GNPTAB: variants seen among roughly 807,000 people sequenced by gnomAD.
GNPTAB encodes the protein N-acetylglucosamine-1-phosphotransferase subunits alpha/beta.
GNPTAB carries 92 observed loss-of-function variants against 136.6 expected under a neutral mutation model. The observed-to-expected ratio is 0.67, with a 90% CI of 0.57 to 0.80. The LOEUF is 0.80. Ranked by LOEUF, GNPTAB falls within the 30% of genes least tolerant of loss-of-function variation. GNPTAB has a pLI of 0.00. For missense variants in GNPTAB, 1,343 were observed against 1,501.8 expected, an observed-to-expected ratio of 0.89 and a Z score of 1.75; for synonymous variants, 512 against 535.1, an observed-to-expected ratio of 0.96 and a Z score of 0.60.
Position 101,770,977 on chromosome 12 carries a change from G to A in GNPTAB, c.933+19C>T, listed in dbSNP as rs553329292. 3 of 1,611,598 alleles carry A rather than the reference G, an allele frequency of 1.9e-6. No homozygotes were observed. The highest frequency in any genetic ancestry group is 2.2e-5 in the South Asian group (2 of 91,010). On this transcript the variant is annotated intron_variant, in intron 8 of 20. Transcript: ENST00000299314. ...TTAACCTTTGATTTGGGCTGTAAAA[G>A]CTTCTGTGCATCCCTTACCTGGCTG...
At chr12:101,766,865 G>A (rs1953102857) in intron 11 of GNPTAB, among the ~76,000 whole-genome samples, 1 of 152,202 alleles carries the variant, frequency 6.6e-6, no homozygotes. Context: ...ATTTGCTCAA[G>A]GGGCACGTGC....
chr12:101,762,519 CA>C (rs1726621084), intron 13 of GNPTAB, among the ~76,000 whole-genome samples: 2 of 152,066 alleles, frequency 1.3e-5, no homozygotes, highest in Admixed American at 6.5e-5. Context: ...GATATATGTA[CA>C]AGAGAATTCA....
Position 101,789,214 on chromosome 12 carries a change from T to A in GNPTAB, c.324-625A>T, listed in dbSNP as rs79086451. Among the ~76,000 whole-genome samples the A allele has an allele frequency of 3.7e-3, 561 of 151,752 alleles. 3 individuals carry two copies. The highest frequency in any genetic ancestry group is 0.013 in the African/African-American group (529 of 41,378). ...GCAGCCAGCGGGTTGGGGGAGGGGGTCCTCTGTCTTTAGGTCCCTTGAAGA... is the reference window on the plus strand; with the variant it reads ...GCAGCCAGCGGGTTGGGGGAGGGGGACCTCTGTCTTTAGGTCCCTTGAAGA... On this transcript the variant is annotated intron_variant, in intron 3 of 20. Transcript: ENST00000299314.
At chr12:101,793,226 G>A (rs1869089353) in intron 2 of GNPTAB, among the ~76,000 whole-genome samples, 5 of 151,910 alleles carry the variant, frequency 3.3e-5, no homozygotes, top group Admixed American at 3.3e-4. Flanking sequence ...AAATCCATCT[G>A]CCTCACACTG....
intron 7 of GNPTAB, 58 bp downstream of exon 7, chr12:101,780,094 G>T (rs1321895742): frequency 2.0e-6 from 3 of 1,524,996 alleles, no homozygotes; most frequent in South Asian, 1.1e-5. Context: ...CACAAGAAAA[G>T]AATCACACAT....
At chr12:101,758,693 C>T (rs1453687871) in intron 16 of GNPTAB, among the ~76,000 whole-genome samples, 1 of 152,234 alleles carries the variant, frequency 6.6e-6, no homozygotes, top group Non-Finnish European at 1.5e-5. Flanking sequence ...AGGCAACACT[C>T]ATACTATGTG....
At chr12:101,798,884 T>C (rs1479105126) in intron 1 of GNPTAB, among the ~76,000 whole-genome samples, 1 of 152,174 alleles carries the variant, frequency 6.6e-6, no homozygotes, top group Non-Finnish European at 1.5e-5. Context: ...CATGGGACTC[T>C]TAGAAAGTGC....
chr12:101,762,986 C>CT (rs1953024594), intron 13 of GNPTAB, among the ~76,000 whole-genome samples: 3 of 150,958 alleles, frequency 2.0e-5, no homozygotes, highest in African/African-American at 7.3e-5. Context: ...TTTGGGAGGC[C>CT]GAGGCGGGCG....
At chr12:101,766,848 G>A (rs1237013732) in intron 11 of GNPTAB, among the ~76,000 whole-genome samples, 1 of 152,158 alleles carries the variant, frequency 6.6e-6, no homozygotes, top group Non-Finnish European at 1.5e-5. Context: ...ACAAGTACAG[G>A]GCTTACATTT....
chr12:101,822,221 G>A (rs375996822), intron 1 of GNPTAB, among the ~76,000 whole-genome samples: 2 of 152,280 alleles, frequency 1.3e-5, no homozygotes, highest in South Asian at 2.1e-4. Flanking sequence ...AGACCATCCT[G>A]GCTAACACGG....
At chr12:101,815,448 C>T (rs980286260) in intron 1 of GNPTAB, among the ~76,000 whole-genome samples, 9 of 152,098 alleles carry the variant, frequency 5.9e-5, no homozygotes, top group Non-Finnish European at 1.2e-4. Context: ...AACAATAAGG[C>T]AGCAATAAAC....
chr12:101,782,579 C>T (rs900921122), intron 5 of GNPTAB, among the ~76,000 whole-genome samples: 5 of 152,164 alleles, frequency 3.3e-5, no homozygotes. Context: ...ACAACTTTTG[C>T]CCCTCCTCAG....
intron 1 of GNPTAB, among the ~76,000 whole-genome samples, chr12:101,828,403 C>A: frequency 6.6e-6 from 1 of 152,178 alleles, no homozygotes; most frequent in Non-Finnish European, 1.5e-5. Context: ...TGGTGGCTCA[C>A]GCCTGTAATC....
chr12:101,830,416 G>C, intron 1 of GNPTAB, 143 bp downstream of exon 1: 1 of 634,966 alleles, frequency 1.6e-6, no homozygotes, highest in Non-Finnish European at 2.9e-6. Flanking sequence ...CCTGAGCTCA[G>C]GAGTTCGAGA....
At chr12:101,755,384 A>T (rs1332215675) in intron 18 of GNPTAB, among the ~76,000 whole-genome samples, 2 of 152,216 alleles carry the variant, frequency 1.3e-5, no homozygotes, top group Non-Finnish European at 2.9e-5. Context: ...GCTTTAAATT[A>T]AAGGATACTA....
At position 101,769,144 on chromosome 12, in the gene GNPTAB, CT is replaced by C. The variant is rs35685506; in HGVS notation, c.1284+876del. On this transcript the variant is annotated intron_variant, in intron 10 of 20. Transcript: ENST00000299314. ...TAAGTTTACGGTGATAAGTCTCTAA[CT>C]TATCACTGAACCCTTCTAACAACGC... Among the ~76,000 whole-genome samples, 3,328 of 152,250 alleles carry C rather than the reference CT, an allele frequency of 0.022. 337 individuals carry two copies. In the East Asian group the frequency reaches 0.31, roughly 14 times the overall value.
intron 1 of GNPTAB, among the ~76,000 whole-genome samples, chr12:101,811,916 G>A (rs1870257255): frequency 6.6e-6 from 1 of 150,848 alleles, no homozygotes; most frequent in Non-Finnish European, 1.5e-5. Flanking sequence ...TGGGATTACA[G>A]GCTGAGCCGC....
At position 101,753,467 on chromosome 12, in the gene GNPTAB, C is replaced by T. The variant is rs1566067353; in HGVS notation, c.3507G>A (p.Arg1169=). 1 of 1,613,526 alleles carries T rather than the reference C, an allele frequency of 6.2e-7. No individual in the cohort carries two copies. Among genetic ancestry groups the T allele is most frequent in the Non-Finnish European group, 8.5e-7 (1 of 1,179,572 alleles). ...KDAQTVKAVL[R]DFYESMFPIP... is the part of the protein sequence containing the mutation. ...TGGGGAACATGGATTCATAGAAGTC[C>T]CTGAGAACAGCCTTCACTGTCTGAG... Residue 1169 remains arginine, a synonymous_variant, in exon 19 of 21, where the codon AGG becomes AGA. Transcript: ENST00000299314.
chr12:101,792,096 G>A, intron 2 of GNPTAB, among the ~76,000 whole-genome samples: 1 of 152,144 alleles, frequency 6.6e-6, no homozygotes, highest in African/African-American at 2.4e-5. Flanking sequence ...TGGGGAGGCG[G>A]GGCGGTCAGT....
Sources: allele counts gnomAD v4.1 joint callset (sites outside exome capture counted in the v4.1 genomes callset), GRCh38; gene constraint gnomAD v4.1.1; transcripts MANE v1.5; gene names NCBI Gene and HGNC (gene_info 2026-07-23, HGNC 2026-07-21).